ADAM18: variants seen among roughly 807,000 people sequenced by gnomAD.
ADAM18 encodes ADAM metallopeptidase domain 18.
Under a neutral mutation model 94.4 loss-of-function variants are expected in ADAM18, and 117 were observed. The ratio of observed to expected loss-of-function variants is 1.24; its 90% confidence interval spans 1.07 to 1.45. The LOEUF (loss-of-function observed/expected upper bound fraction) is 1.45. Ranked by LOEUF, ADAM18 falls within the 40% of genes most tolerant of loss-of-function variation. ADAM18 has a pLI of 0.00. For synonymous variants in ADAM18, 327 were observed against 291.6 expected (o/e 1.12, Z -1.24); for missense variants, 936 against 880.0 (o/e 1.06, Z -0.81).
intron 16 of ADAM18, chr8:39,685,089 G>A (rs1378067055): frequency 6.6e-6 from 1 of 152,208 alleles, no homozygotes; most frequent in Non-Finnish European, 1.5e-5. Flanking sequence ...GCTGAATGAA[G>A]CTCTTCCCTT....
At chr8:39,590,740 A>G (rs1304213473) in intron 2 of ADAM18, among the ~76,000 whole-genome samples, 1 of 152,194 alleles carries the variant, frequency 6.6e-6, no homozygotes, top group Non-Finnish European at 1.5e-5. Context: ...TTGATAAATA[A>G]TACATATATC....
chr8:39,664,898 T>A (rs564916709), intron 13 of ADAM18, among the ~76,000 whole-genome samples: 57 of 151,968 alleles, frequency 3.8e-4, no homozygotes, highest in African/African-American at 1.3e-3. Context: ...TTCTGGTAAA[T>A]CACCTCTATG....
chr8:39,729,981 A>G lies in ADAM18; in HGVS notation c.*41A>G. 6.3e-7 allele frequency: 1 copy of G among 1,575,646 alleles called. No homozygotes were observed. Among genetic ancestry groups the G allele is most frequent in the Non-Finnish European group, 8.7e-7 (1 of 1,145,408 alleles). ...CCATAGCAAATAACCTAAAGGAACG[A>G]ATGTGCTTTATTTATAACCTTACGT... On this transcript the variant is annotated 3_prime_UTR_variant, in exon 20 of 20. Coordinates refer to ENST00000265707, the MANE Select transcript of ADAM18 (RefSeq NM_014237.3).
At chr8:39,600,734 C>T (rs145084069) in intron 2 of ADAM18, among the ~76,000 whole-genome samples, 39 of 152,298 alleles carry the variant, frequency 2.6e-4, no homozygotes, top group African/African-American at 8.4e-4. Flanking sequence ...TGGGTGTTAT[C>T]TGACCTGCAA....
At chr8:39,712,509 G>T (rs978565361) in intron 18 of ADAM18, among the ~76,000 whole-genome samples, 1 of 152,200 alleles carries the variant, frequency 6.6e-6, no homozygotes, top group South Asian at 2.1e-4. Flanking sequence ...AATTGTCCCT[G>T]TTTGCAGATG....
chr8:39,681,622 C>G (rs954161317), intron 16 of ADAM18, among the ~76,000 whole-genome samples: 1 of 152,062 alleles, frequency 6.6e-6, no homozygotes, highest in East Asian at 1.9e-4. Flanking sequence ...AATATAGAAC[C>G]AGGAAGTGGG....
chr8:39,649,663 G>A (rs970896681), intron 12 of ADAM18, among the ~76,000 whole-genome samples: 6 of 152,012 alleles, frequency 3.9e-5, no homozygotes, highest in East Asian at 1.9e-4. Flanking sequence ...TTGCTGTTCC[G>A]GCAGTATTTT....
intron 17 of ADAM18, among the ~76,000 whole-genome samples, chr8:39,695,425 A>T (rs1484315309): frequency 6.6e-6 from 1 of 151,462 alleles, no homozygotes; most frequent in Non-Finnish European, 1.5e-5. Flanking sequence ...TTGGGATTTT[A>T]AGCATTCTAA....
At chr8:39,658,933 A>G (rs1820762008) in intron 12 of ADAM18, among the ~76,000 whole-genome samples, 2 of 152,286 alleles carry the variant, frequency 1.3e-5, no homozygotes, top group South Asian at 2.1e-4. Context: ...TACTTCCTAT[A>G]TTCTCTAATC....
chr8:39,648,449 A>G lies in ADAM18; in HGVS notation c.1152A>G (p.Gln384=). 1.2e-6 allele frequency: 2 copies of G among 1,612,960 alleles called. No individual in the cohort carries two copies. The highest frequency in any genetic ancestry group is 1.7e-6 in the Non-Finnish European group (2 of 1,179,482). Reference sequence around the variant, plus strand: ...GCCTTCAGAAGCTTTCAAATTTGCAACCATTACATCAAAATCAACCAGTGT... The same window carrying G: ...GCCTTCAGAAGCTTTCAAATTTGCAGCCATTACATCAAAATCAACCAGTGT... The part of the protein sequence containing the change: ...TKCLQKLSNL[Q]PLHQNQPVCG... Residue 384 remains glutamine, a synonymous_variant, in exon 12 of 20, where the codon CAA becomes CAG. Coordinates refer to ENST00000265707, the MANE Select transcript of ADAM18 (RefSeq NM_014237.3).
intron 14 of ADAM18, among the ~76,000 whole-genome samples, chr8:39,676,584 G>C (rs931863239): frequency 9.0e-6 from 1 of 110,836 alleles, no homozygotes; most frequent in Middle Eastern, 4.3e-3. Context: ...GAAATCCCTC[G>C]ACTCCTTGCT....
intron 12 of ADAM18, among the ~76,000 whole-genome samples, chr8:39,661,564 G>C (rs904555958): frequency 1.3e-5 from 2 of 151,682 alleles, no homozygotes; most frequent in East Asian, 3.9e-4. Context: ...TAATATTCTT[G>C]TTCCTTTAGG....
intron 12 of ADAM18, among the ~76,000 whole-genome samples, chr8:39,651,281 T>G (rs1489092514): frequency 6.6e-6 from 1 of 152,154 alleles, no homozygotes; most frequent in Non-Finnish European, 1.5e-5. Context: ...CAGATGCCTT[T>G]CTCTTATCTC....
rs182575243 is a variant in ADAM18 at position 39,604,256 on chromosome 8, G to A, written c.133-2051G>A. 2.1e-3 allele frequency among the ~76,000 whole-genome samples: 320 copies of A among 152,146 alleles called. 2 individuals are homozygous for A. Among genetic ancestry groups the A allele is most frequent in the Middle Eastern group, 3.4e-3 (1 of 292 alleles). On this transcript the variant is annotated intron_variant, in intron 2 of 19. Coordinates refer to ENST00000265707, the MANE Select transcript of ADAM18 (RefSeq NM_014237.3). ...TACAAAAAAACATACGAAGTGCTTC[G>A]GACCATACTAGGCATTTGATAAGCC... is the stretch of plus-strand genomic sequence containing the variant.
chr8:39,609,640 C>A, intron 5 of ADAM18, 79 bp downstream of exon 5: 1 of 952,200 alleles, frequency 1.1e-6, no homozygotes, highest in Non-Finnish European at 1.6e-6. Flanking sequence ...CTAGCAGACA[C>A]AAATCATGGA....
chr8:39,728,030 G>A (rs1055894526), intron 19 of ADAM18, among the ~76,000 whole-genome samples: 1 of 152,026 alleles, frequency 6.6e-6, no homozygotes, highest in Non-Finnish European at 1.5e-5. Context: ...AAGGTGAAGG[G>A]GCAAAAGGTA....
chr8:39,711,752 CAA>C (rs948133494), intron 18 of ADAM18, among the ~76,000 whole-genome samples: 48 of 151,666 alleles, frequency 3.2e-4, no homozygotes, highest in Non-Finnish European at 3.4e-4. Flanking sequence ...GATCAGGGCC[CAA>C]GAGACCTGAA....
intron 11 of ADAM18, among the ~76,000 whole-genome samples, chr8:39,646,074 A>T (rs1820365904): frequency 6.6e-6 from 1 of 152,158 alleles, no homozygotes. Context: ...AAAATAAGCT[A>T]AGGCATTTCT....
chr8:39,606,857 T>C (rs2129578361), intron 3 of ADAM18, among the ~76,000 whole-genome samples: 1 of 152,188 alleles, frequency 6.6e-6, no homozygotes, highest in East Asian at 1.9e-4. Context: ...AAGGGGGTTG[T>C]TCTCTGGCGG....
Sources: gnomAD v4.1 joint callset for allele counts (sites outside exome capture counted in the v4.1 genomes callset) on GRCh38, gnomAD v4.1.1 for gene constraint, MANE v1.5 for transcripts, NCBI Gene and HGNC (gene_info 2026-07-23, HGNC 2026-07-21) for gene names.